NWD2: variants seen among roughly 807,000 people sequenced by gnomAD.
NWD2 encodes NACHT and WD repeat domain-containing protein 2.
In NWD2, 37 loss-of-function variants were observed where a neutral mutation model predicts 132.7. That is an observed-to-expected ratio of 0.28 (90% CI 0.21 to 0.37). The LOEUF is 0.37. Among genes scored for constraint, NWD2 ranks in the 10% least tolerant of loss-of-function variants. The probability of loss-of-function intolerance (pLI) is 1.00; values close to 1 mark genes in which losing one functional copy is unlikely to be tolerated. For synonymous variants in NWD2, 705 were observed against 803.0 expected (o/e 0.88, Z 2.06); for missense variants, 1,592 against 2,122.4 (o/e 0.75, Z 4.91).
intron 1 of NWD2, among the ~76,000 whole-genome samples, chr4:37,298,093 G>T (rs943792089): frequency 6.6e-6 from 1 of 152,092 alleles, no homozygotes; most frequent in Non-Finnish European, 1.5e-5. Context: ...TGATTATTTG[G>T]GGGAAGTTTC....
At chr4:37,384,491 G>A (rs1720520215) in intron 3 of NWD2, among the ~76,000 whole-genome samples, 1 of 152,190 alleles carries the variant, frequency 6.6e-6, no homozygotes, top group African/African-American at 2.4e-5. Context: ...CCTTTGGCAA[G>A]CCACATAATG....
chr4:37,246,955 T>A (rs1717255543), intron 1 of NWD2, among the ~76,000 whole-genome samples: 1 of 152,150 alleles, frequency 6.6e-6, no homozygotes, highest in African/African-American at 2.4e-5. Flanking sequence ...GTTAATGTCA[T>A]TTTTTTAAGC....
chr4:37,405,634 A>G (rs1296450266), intron 3 of NWD2, among the ~76,000 whole-genome samples: 1 of 152,214 alleles, frequency 6.6e-6, no homozygotes, highest in Non-Finnish European at 1.5e-5. Context: ...TTGCTTGAAC[A>G]GAGTCTTAAT....
Position 37,446,746 on chromosome 4 carries a change from T to A in NWD2, c.4758T>A (p.Asn1586Lys). The change falls in exon 7 of 7, where the codon AAT (asparagine) becomes AAA (lysine). Residue 1586 changes from asparagine (N) to lysine (K), a missense_variant. Around this residue, in one of 7 missense-constraint regions of NWD2, gnomAD observed 257 missense variants for 335.0 expected, o/e 0.77. Coordinates refer to ENST00000309447, the MANE Select transcript of NWD2 (RefSeq NM_001144990.2). This position sits in a 1 kb window ranked among gnomAD's most constrained non-coding sequence, Gnocchi z 6.7. ...ACCTGGTATACATTTGTTTCCGAAATGGGGAGGAGGAGGATGAAAATGGTG... is the reference window on the plus strand; with the variant it reads ...ACCTGGTATACATTTGTTTCCGAAAAGGGGAGGAGGAGGATGAAAATGGTG... ...GRYLVYICFR[N>K]GEEEDENGAI... 6.4e-7 allele frequency: 1 copy of A among 1,551,596 alleles called. No individual in the cohort carries two copies.
chr4:37,438,284 A>T (rs1447623332), intron 5 of NWD2, among the ~76,000 whole-genome samples: 1 of 152,118 alleles, frequency 6.6e-6, no homozygotes, highest in Non-Finnish European at 1.5e-5. Flanking sequence ...AAAGAAAAAA[A>T]AATTTGCTTT....
intron 3 of NWD2, among the ~76,000 whole-genome samples, chr4:37,363,615 A>G (rs541559719): frequency 6.6e-6 from 1 of 152,278 alleles, no homozygotes; most frequent in Admixed American, 6.5e-5. Context: ...GCTGGCAACA[A>G]TAGAAACTGG....
At position 37,315,844 on chromosome 4, in the gene NWD2, TCTTA is replaced by T. The variant is rs1346226730; in HGVS notation, c.152-10088_152-10085del. Among the ~76,000 whole-genome samples the T allele has an allele frequency of 8.5e-5, 13 of 152,138 alleles. 1 individual carries two copies. The highest frequency in any genetic ancestry group is 1.9e-4 in the Non-Finnish European group (13 of 67,928). On this transcript the variant is annotated intron_variant, in intron 1 of 6. Coordinates refer to ENST00000309447, the MANE Select transcript of NWD2 (RefSeq NM_001144990.2). ...GTTTTCTTTATTTTTCAGGTTATAT[TCTTA>T]CTTGGTGCTCTGAGGATTACAAAAT...
Position 37,375,645 on chromosome 4 carries a change from T to A in NWD2, c.357+19163T>A, listed in dbSNP as rs918413516. 2.0e-5 allele frequency among the ~76,000 whole-genome samples: 3 copies of A among 150,720 alleles called. No homozygotes were observed. The East Asian group carries it at 5.9e-4, about 30-fold the overall frequency. On this transcript the variant is annotated intron_variant, in intron 3 of 6. Coordinates refer to ENST00000309447, the MANE Select transcript of NWD2 (RefSeq NM_001144990.2). ...GTGCAGTGGGGCGATCTCGGCTCACTGCAAGCTCCGCCTCCCGGGTTCACA... is the reference window on the plus strand; with the variant it reads ...GTGCAGTGGGGCGATCTCGGCTCACAGCAAGCTCCGCCTCCCGGGTTCACA...
chr4:37,374,282 G>A (rs1303500362), intron 3 of NWD2, among the ~76,000 whole-genome samples: 1 of 152,270 alleles, frequency 6.6e-6, no homozygotes, highest in East Asian at 1.9e-4. Context: ...CTTCCACCAT[G>A]AGTAAAAGCT....
At position 37,330,734 on chromosome 4, in the gene NWD2, T is replaced by C. The variant is rs527331214; in HGVS notation, c.240+4710T>C. ...CAGAGCTTGGCATTTAGTGGGGTTTTAGTAAGTGTGTTCAGCAGAACTGCC... is the reference window on the plus strand; with the variant it reads ...CAGAGCTTGGCATTTAGTGGGGTTTCAGTAAGTGTGTTCAGCAGAACTGCC... On this transcript the variant is annotated intron_variant, in intron 2 of 6. Transcript: ENST00000309447. Among the ~76,000 whole-genome samples the C allele has an allele frequency of 5.3e-5, 8 of 152,314 alleles. No individual in the cohort carries two copies. The East Asian group carries it at 9.6e-4, about 18-fold the overall frequency.
chr4:37,378,310 A>T (rs187581395), intron 3 of NWD2, among the ~76,000 whole-genome samples: 1 of 152,248 alleles, frequency 6.6e-6, no homozygotes, highest in African/African-American at 2.4e-5. Context: ...ATCTTTATGG[A>T]CGAGTTTAAG....
chr4:37,253,941 A>G (rs1577644979), intron 1 of NWD2, among the ~76,000 whole-genome samples: 1 of 152,198 alleles, frequency 6.6e-6, no homozygotes, highest in Admixed American at 6.5e-5. Context: ...TAGCAAACTA[A>G]CACAGTAACA....
At chr4:37,385,127 C>A (rs1297562436) in intron 3 of NWD2, among the ~76,000 whole-genome samples, 2 of 152,126 alleles carry the variant, frequency 1.3e-5, no homozygotes, top group East Asian at 3.9e-4. Flanking sequence ...TGCCAGCTAC[C>A]AAGATTAAAA....
chr4:37,375,331 A>T (rs1720326337), intron 3 of NWD2, among the ~76,000 whole-genome samples: 1 of 152,220 alleles, frequency 6.6e-6, no homozygotes, highest in African/African-American at 2.4e-5. Context: ...ATCATTCAAA[A>T]ATTATCACCA....
At chr4:37,269,911 T>C (rs1717833376) in intron 1 of NWD2, among the ~76,000 whole-genome samples, 1 of 151,822 alleles carries the variant, frequency 6.6e-6, no homozygotes, top group Non-Finnish European at 1.5e-5. Flanking sequence ...TGTTTAATTT[T>C]ATAAACTGTC....
intron 1 of NWD2, among the ~76,000 whole-genome samples, chr4:37,284,668 T>G (rs1402760982): frequency 6.6e-6 from 1 of 152,188 alleles, no homozygotes. Flanking sequence ...AAGGAAGACA[T>G]TGTTCAATTT....
intron 1 of NWD2, among the ~76,000 whole-genome samples, chr4:37,318,828 C>T (rs1166423118): frequency 6.6e-6 from 1 of 152,096 alleles, no homozygotes; most frequent in African/African-American, 2.4e-5. Context: ...TTTATAACTG[C>T]ATAGTATTCC....
chr4:37,371,307 C>G (rs1172493874), intron 3 of NWD2, among the ~76,000 whole-genome samples: 1 of 151,946 alleles, frequency 6.6e-6, no homozygotes, highest in African/African-American at 2.4e-5. Flanking sequence ...AACTCCTGAC[C>G]TCAGGTGATC....
chr4:37,431,476 T>C (rs1560254213), intron 4 of NWD2, among the ~76,000 whole-genome samples: 2 of 152,150 alleles, frequency 1.3e-5, no homozygotes, highest in African/African-American at 4.8e-5. Context: ...AACGTTGAGT[T>C]CATGGTAACA....
Sources: allele counts gnomAD v4.1 joint callset (sites outside exome capture counted in the v4.1 genomes callset), GRCh38; gene constraint gnomAD v4.1.1; regional missense constraint gnomAD v4.1.1; non-coding constraint Gnocchi (gnomAD v3.1); transcripts MANE v1.5; gene names NCBI Gene and HGNC (gene_info 2026-07-23, HGNC 2026-07-21).